The following ARHGAP42 variants were observed in gnomAD, a reference collection of about 807,000 sequenced individuals.
ARHGAP42 encodes rho GTPase-activating protein 42.
ARHGAP42 carries 63 observed loss-of-function variants against 125.0 expected under a neutral mutation model. The observed-to-expected ratio is 0.50, with a 90% CI of 0.41 to 0.62. The LOEUF (loss-of-function observed/expected upper bound fraction) is 0.62, where lower values mean the gene tolerates loss of function less well. Among genes scored for constraint, ARHGAP42 ranks in the 20% least tolerant of loss-of-function variants. The pLI, the probability that ARHGAP42 is intolerant of heterozygous loss-of-function variation, is 0.00. For missense variants in ARHGAP42, 766 were observed against 1,024.2 expected (o/e 0.75, Z 3.44); for synonymous variants, 339 against 351.0 (o/e 0.97, Z 0.38).
chr11:100,778,057 C>A (rs1050929443), intron 2 of ARHGAP42, among the ~76,000 whole-genome samples: 4 of 152,038 alleles, frequency 2.6e-5, no homozygotes, highest in African/African-American at 4.8e-5. Flanking sequence ...ACCTATAGAC[C>A]TAGCTACTCA....
chr11:100,815,775 ACT>A (rs1240848896), intron 3 of ARHGAP42, among the ~76,000 whole-genome samples: 1 of 151,874 alleles, frequency 6.6e-6, no homozygotes, highest in Non-Finnish European at 1.5e-5. Flanking sequence ...CAAAATTGAA[ACT>A]CTATACCATT....
At chr11:100,973,713 C>A (rs975882417) in intron 18 of ARHGAP42, among the ~76,000 whole-genome samples, 1 of 152,076 alleles carries the variant, frequency 6.6e-6, no homozygotes, top group Non-Finnish European at 1.5e-5. Context: ...AGGCAACAGT[C>A]TTGAAGTCTT....
intron 1 of ARHGAP42, among the ~76,000 whole-genome samples, chr11:100,690,996 G>A (rs1397979473): frequency 6.6e-6 from 1 of 152,184 alleles, no homozygotes. Context: ...GACTTTTGGT[G>A]TTATCAAGTA....
chr11:100,690,351 C>T (rs1001609397), intron 1 of ARHGAP42, among the ~76,000 whole-genome samples: 1 of 151,698 alleles, frequency 6.6e-6, no homozygotes, highest in African/African-American at 2.4e-5. Context: ...TATTTTTATC[C>T]CTGTTGTTAA....
chr11:100,797,555 C>A (rs1396767965), intron 3 of ARHGAP42, among the ~76,000 whole-genome samples: 3 of 151,178 alleles, frequency 2.0e-5, no homozygotes, highest in African/African-American at 7.3e-5. Context: ...CAGTTTACAG[C>A]ATGGTTTACT....
At chr11:100,792,438 T>G (rs1198041927) in intron 2 of ARHGAP42, among the ~76,000 whole-genome samples, 2 of 152,220 alleles carry the variant, frequency 1.3e-5, no homozygotes, top group African/African-American at 2.4e-5. Context: ...AAAGACTATG[T>G]TGAACTTTTA....
At chr11:100,741,187 C>A (rs765201932) in intron 1 of ARHGAP42, among the ~76,000 whole-genome samples, 1 of 152,216 alleles carries the variant, frequency 6.6e-6, no homozygotes, top group South Asian at 2.1e-4. Flanking sequence ...CCTGCCACCA[C>A]GCCTGGCTAA....
At chr11:100,827,250 A>G (rs931350357) in intron 3 of ARHGAP42, among the ~76,000 whole-genome samples, 3 of 152,110 alleles carry the variant, frequency 2.0e-5, no homozygotes, top group Non-Finnish European at 4.4e-5. Flanking sequence ...TGATTCACCC[A>G]TCTTAGCCTC....
At chr11:100,853,437 C>T (rs1002600279) in intron 3 of ARHGAP42, among the ~76,000 whole-genome samples, 2 of 152,000 alleles carry the variant, frequency 1.3e-5, no homozygotes. Flanking sequence ...ACTTTAATCC[C>T]CCATTAGAGA....
At chr11:100,751,100 G>A (rs1437438565) in intron 1 of ARHGAP42, among the ~76,000 whole-genome samples, 1 of 151,470 alleles carries the variant, frequency 6.6e-6, no homozygotes, top group Non-Finnish European at 1.5e-5. Context: ...CACCACGCCT[G>A]GCTAATTTTT....
At position 100,728,278 on chromosome 11, in the gene ARHGAP42, G is replaced by A. The variant is rs1861895390; in HGVS notation, c.154+40446G>A. 2.0e-5 allele frequency among the ~76,000 whole-genome samples: 3 copies of A among 152,174 alleles called. No individual in the cohort carries two copies. In the South Asian group the frequency reaches 6.2e-4, roughly 32 times the overall value. On this transcript the variant is annotated intron_variant, in intron 1 of 23. Transcript: ENST00000298815. ...AAAGGCCACACCTGTGCTCCCACCT[G>A]CAAAAGGGGTGGGATTGAAGCAGCC...
chr11:100,879,877 T>G (rs1362686033), intron 4 of ARHGAP42, among the ~76,000 whole-genome samples: 2 of 152,172 alleles, frequency 1.3e-5, no homozygotes, highest in Non-Finnish European at 2.9e-5. Context: ...ATGAAAATCT[T>G]TTGGGTTCAG....
chr11:100,965,791 T>C lies in ARHGAP42; in HGVS notation c.1550+15T>C, dbSNP rs373027258. 1.4e-5 allele frequency: 21 copies of C among 1,534,408 alleles called. No individual in the cohort carries two copies. The East Asian group carries it at 2.0e-4, about 14-fold the overall frequency. ...CATCTGGTCAAGTAATTCTCTAACT[T>C]ACATTGTTCATTTAACTTATTGTTC... On this transcript the variant is annotated intron_variant, in intron 17 of 23. Transcript: ENST00000298815.
intron 5 of ARHGAP42, among the ~76,000 whole-genome samples, 186 bp downstream of exon 5, chr11:100,913,739 T>C (rs977049818): frequency 1.3e-5 from 2 of 151,818 alleles, no homozygotes; most frequent in Non-Finnish European, 2.9e-5. Flanking sequence ...AAGTGAAGGA[T>C]CAATATTTCT....
intron 4 of ARHGAP42, among the ~76,000 whole-genome samples, chr11:100,879,590 C>CT (rs561860865): frequency 6.6e-6 from 1 of 152,116 alleles, no homozygotes; most frequent in Non-Finnish European, 1.5e-5. Context: ...GTTGTCATTT[C>CT]TTTTTTTCTG....
At chr11:100,979,408 C>T (rs768880329) in intron 22 of ARHGAP42, among the ~76,000 whole-genome samples, 2 of 151,976 alleles carry the variant, frequency 1.3e-5, no homozygotes, top group Non-Finnish European at 2.9e-5. Flanking sequence ...GAGGAATCAT[C>T]ATGAATATCC....
chr11:100,901,584 C>T (rs1591280884), intron 4 of ARHGAP42, among the ~76,000 whole-genome samples: 1 of 152,170 alleles, frequency 6.6e-6, no homozygotes, highest in Admixed American at 6.5e-5. Context: ...TCGAGCTTGC[C>T]GGCCACTTTG....
At chr11:100,952,672 G>A (rs959788607) in intron 12 of ARHGAP42, among the ~76,000 whole-genome samples, 1 of 150,974 alleles carries the variant, frequency 6.6e-6, no homozygotes, top group Non-Finnish European at 1.5e-5. Flanking sequence ...TCACTTTCCA[G>A]AATTTAGCTG....
intron 2 of ARHGAP42, 33 bp downstream of exon 2, chr11:100,770,471 T>C: frequency 7.3e-7 from 1 of 1,378,894 alleles, no homozygotes; most frequent in Admixed American, 2.2e-5. Flanking sequence ...GTTCTATTAC[T>C]AATATTTATT....
Sources: allele counts gnomAD v4.1 joint callset (sites outside exome capture counted in the v4.1 genomes callset), GRCh38; gene constraint gnomAD v4.1.1; transcripts MANE v1.5; gene names NCBI Gene and HGNC (gene_info 2026-07-23, HGNC 2026-07-21).